RIN2: variants seen among roughly 807,000 people sequenced by gnomAD.
RIN2 encodes Ras and Rab interactor 2, also known as RAB5 interacting protein 2.
A neutral mutation model predicts 78.0 loss-of-function variants in RIN2; 36 were observed. The ratio of observed to expected loss-of-function variants is 0.46; its 90% CI spans 0.35 to 0.61. RIN2 has a LOEUF of 0.61. Ranked by LOEUF, RIN2 falls within the 20% of genes least tolerant of loss-of-function variation. The probability of loss-of-function intolerance (pLI) is 0.00; values close to 1 mark genes in which losing one functional copy is unlikely to be tolerated. For missense variants in RIN2, 1,087 were observed against 1,159.7 expected (o/e 0.94, Z 0.91); for synonymous variants, 466 against 466.8 (o/e 1.00, Z 0.02).
intron 2 of RIN2, among the ~76,000 whole-genome samples, chr20:19,800,949 G>C (rs189297447): frequency 6.6e-6 from 1 of 152,310 alleles, no homozygotes; most frequent in East Asian, 1.9e-4. Flanking sequence ...TTTCAAGCTT[G>C]TGAGGTTCAC....
At chr20:19,798,694 A>G (rs1193864639) in intron 1 of RIN2, among the ~76,000 whole-genome samples, 2 of 152,112 alleles carry the variant, frequency 1.3e-5, no homozygotes, top group African/African-American at 4.8e-5. Context: ...GCACAGAAGC[A>G]ATCTGGAAAG....
At chr20:19,835,004 G>A (rs1480171842) in intron 2 of RIN2, among the ~76,000 whole-genome samples, 2 of 149,444 alleles carry the variant, frequency 1.3e-5, no homozygotes, top group Non-Finnish European at 3.0e-5. Context: ...AAGAGAGAGA[G>A]AGAAAGAAAA....
Position 19,839,417 on chromosome 20 carries a change from C to T in RIN2, c.-37+39670C>T, listed in dbSNP as rs2036517166. Among the ~76,000 whole-genome samples the T allele has an allele frequency of 3.3e-5, 5 of 152,188 alleles. No homozygotes were observed. The South Asian group carries it at 1.0e-3, about 32-fold the overall frequency. ...GCGACTGAGCAGGACCTGCTGCCCA[C>T]ATTTTGCAGATGAAGACATGGAAAC... On this transcript the variant is annotated intron_variant, in intron 2 of 12. Coordinates refer to ENST00000255006, the MANE Select transcript of RIN2 (RefSeq NM_018993.4).
At chr20:19,835,116 GAGGA>G (rs1177286718) in intron 2 of RIN2, among the ~76,000 whole-genome samples, 3 of 127,548 alleles carry the variant, frequency 2.4e-5, no homozygotes, top group Non-Finnish European at 5.0e-5. Flanking sequence ...AAGAAAGAGG[GAGGA>G]AGGAAGAAAG....
Position 19,835,136 on chromosome 20 carries a change from A to G in RIN2, c.-37+35389A>G, listed in dbSNP as rs201881058. ...AGAGGGAGGAAGGAAGAAAGGAAGGAAGGGAGGGAGGAAGGAAGGAAGGAA... is the reference window on the plus strand; with the variant it reads ...AGAGGGAGGAAGGAAGAAAGGAAGGGAGGGAGGGAGGAAGGAAGGAAGGAA... On this transcript the variant is annotated intron_variant, in intron 2 of 12. Coordinates refer to ENST00000255006, the MANE Select transcript of RIN2 (RefSeq NM_018993.4). Among the ~76,000 whole-genome samples, 17 of 64,418 alleles carry G rather than the reference A, an allele frequency of 2.6e-4. No homozygotes were observed. The East Asian group carries it at 0.014, about 52-fold the overall frequency. The allele number at this position is 64,418 out of a possible 152,430, so 42.3% of individuals were successfully genotyped here. A position where few individuals can be genotyped will look rare whatever the true frequency, so the allele number is the denominator to read the frequency against.
intron 2 of RIN2, among the ~76,000 whole-genome samples, chr20:19,817,284 G>A (rs144778985): frequency 2.6e-5 from 4 of 152,308 alleles, no homozygotes; most frequent in African/African-American, 9.6e-5. Flanking sequence ...CTGAGTTCAA[G>A]GTGCTAGCTG....
chr20:19,869,894 C>T (rs1010558013), intron 2 of RIN2, among the ~76,000 whole-genome samples: 43 of 152,034 alleles, frequency 2.8e-4, no homozygotes, highest in Admixed American at 1.2e-3. Flanking sequence ...GCAATTCTCC[C>T]GCCTGGGCGT....
intron 2 of RIN2, among the ~76,000 whole-genome samples, chr20:19,826,514 G>C (rs1019194332): frequency 1.3e-5 from 2 of 152,128 alleles, no homozygotes; most frequent in African/African-American, 4.8e-5. Flanking sequence ...TTCTGCTATA[G>C]ATTCAAGTTG....
At chr20:19,764,818 C>T (rs2033797138) in intron 1 of RIN2, among the ~76,000 whole-genome samples, 1 of 151,798 alleles carries the variant, frequency 6.6e-6, no homozygotes, top group South Asian at 2.1e-4. Context: ...CATAGTTTTC[C>T]CCTAGGTCTG....
intron 2 of RIN2, among the ~76,000 whole-genome samples, chr20:19,877,979 C>T (rs1207607245): frequency 6.6e-6 from 1 of 152,086 alleles, no homozygotes; most frequent in Non-Finnish European, 1.5e-5. Flanking sequence ...ATGATTATGC[C>T]AGTGCATTCT....
chr20:19,793,241 T>A (rs555824795), intron 1 of RIN2, among the ~76,000 whole-genome samples: 10 of 152,168 alleles, frequency 6.6e-5, no homozygotes, highest in African/African-American at 2.2e-4. Flanking sequence ...AATATGAAAA[T>A]TTATTACTGA....
At chr20:19,874,745 G>A (rs763023764) in intron 2 of RIN2, among the ~76,000 whole-genome samples, 3 of 152,212 alleles carry the variant, frequency 2.0e-5, no homozygotes, top group Admixed American at 2.0e-4. Context: ...AGTTGAGGGT[G>A]TAGAGACATA....
intron 2 of RIN2, among the ~76,000 whole-genome samples, chr20:19,879,932 T>A (rs1250631921): frequency 1.3e-5 from 2 of 152,144 alleles, no homozygotes; most frequent in Non-Finnish European, 2.9e-5. Context: ...ATTTCTTTGG[T>A]ATTTCAAAGT....
chr20:19,979,540 T>C (rs199583), intron 9 of RIN2, among the ~76,000 whole-genome samples: 50,689 of 151,826 alleles, frequency 0.33, 9,656 homozygotes, highest in Non-Finnish European at 0.44. Context: ...GTATAGCGCA[T>C]ATAGAAAAGG....
At chr20:19,890,568 GT>G (rs1028866473) in intron 3 of RIN2, among the ~76,000 whole-genome samples, 2 of 144,496 alleles carry the variant, frequency 1.4e-5, no homozygotes, top group Non-Finnish European at 3.0e-5. Context: ...AAGTGACTAT[GT>G]TTAACAATTA....
At chr20:19,918,419 G>A (rs2039774795) in intron 3 of RIN2, among the ~76,000 whole-genome samples, 1 of 151,738 alleles carries the variant, frequency 6.6e-6, no homozygotes, top group Admixed American at 6.6e-5. Flanking sequence ...ACTCATTAAT[G>A]AGATCAACAG....
At chr20:19,898,171 T>C (rs1291058728) in intron 3 of RIN2, among the ~76,000 whole-genome samples, 1 of 152,210 alleles carries the variant, frequency 6.6e-6, no homozygotes, top group Non-Finnish European at 1.5e-5. Context: ...ATGGATCTCA[T>C]GGTTTTATAA....
chr20:19,989,917 A>G (rs965709884), intron 9 of RIN2, 89 bp from the exon 10 acceptor site: 6 of 1,277,008 alleles, frequency 4.7e-6, no homozygotes, highest in Non-Finnish European at 6.4e-6. Context: ...ACCAATGCAT[A>G]GAGTTGCAGA....
chr20:19,893,854 C>G (rs2038597235), intron 3 of RIN2, among the ~76,000 whole-genome samples: 1 of 152,164 alleles, frequency 6.6e-6, no homozygotes, highest in South Asian at 2.1e-4. Flanking sequence ...GGGCAGATCA[C>G]TTGAGGTCAG....
Sources: allele counts gnomAD v4.1 joint callset (sites outside exome capture counted in the v4.1 genomes callset), GRCh38; gene constraint gnomAD v4.1.1; transcripts MANE v1.5; gene names NCBI Gene and HGNC (gene_info 2026-07-23, HGNC 2026-07-21).